TTC21B: variants seen among roughly 807,000 people sequenced by gnomAD.
TTC21B encodes the protein tetratricopeptide repeat domain 21B.
TTC21B carries 127 observed loss-of-function variants against 175.1 expected under a neutral mutation model. That is an observed-to-expected ratio of 0.73 (90% CI 0.63 to 0.84). The LOEUF (loss-of-function observed/expected upper bound fraction) is 0.84, where lower values mean the gene tolerates loss of function less well. Among genes scored for constraint, TTC21B ranks in the 40% least tolerant of loss-of-function variants. The pLI, the probability that TTC21B is intolerant of heterozygous loss-of-function variation, is 0.00. For missense variants in TTC21B, 1,561 were observed against 1,558.3 expected (o/e 1.00, Z -0.03); for synonymous variants, 524 against 524.5 (o/e 1.00, Z 0.01).
chr2:165,951,679 C>T (rs768293435), intron 1 of TTC21B, among the ~76,000 whole-genome samples: 16 of 152,206 alleles, frequency 1.1e-4, no homozygotes, highest in Admixed American at 3.3e-4. Flanking sequence ...CATTTACTGA[C>T]TGCCTACTAG....
At position 165,929,234 on chromosome 2, in the gene TTC21B, T is replaced by C. The variant is rs765677724; in HGVS notation, c.1287A>G (p.Gln429=). ...GTATGCCAAGAGGCAAACCTTCTAA[T>C]TGTGAAAAGTGAGTGTCCAGGACAT... is the stretch of plus-strand genomic sequence containing the variant. ...LNDVLDTHFS[Q]LEGLPLGIQY... The change falls in exon 11 of 29, where the codon CAA becomes CAG. Residue 429 remains glutamine, a synonymous_variant. Coordinates refer to ENST00000243344, the MANE Select transcript of TTC21B (RefSeq NM_024753.5). The C allele has an allele frequency of 3.7e-6, 6 of 1,613,070 alleles. No homozygotes were observed. Among genetic ancestry groups the C allele is most frequent in the South Asian group, 1.1e-5 (1 of 91,048 alleles).
At chr2:165,890,394 T>G in intron 24 of TTC21B, 85 bp downstream of exon 24, 1 of 1,313,070 alleles carries the variant, frequency 7.6e-7, no homozygotes, top group South Asian at 1.3e-5. Flanking sequence ...ATTGCTATCC[T>G]AAATTTAGTT....
chr2:165,922,931 T>C (rs1168049627), intron 12 of TTC21B, among the ~76,000 whole-genome samples: 1 of 152,208 alleles, frequency 6.6e-6, no homozygotes. Context: ...ATAACGTGTT[T>C]TATAGCAACC....
At chr2:165,889,083 G>A (rs1685102480) in intron 24 of TTC21B, among the ~76,000 whole-genome samples, 1 of 152,076 alleles carries the variant, frequency 6.6e-6, no homozygotes, top group African/African-American at 2.4e-5. Context: ...AGTGCAATTT[G>A]AATATTTAAT....
chr2:165,896,586 G>A (rs1685373327), intron 22 of TTC21B, among the ~76,000 whole-genome samples: 1 of 152,162 alleles, frequency 6.6e-6, no homozygotes, highest in African/African-American at 2.4e-5. Flanking sequence ...GCTACTTGAT[G>A]TAGGCCAGTG....
At chr2:165,930,054 T>C in intron 9 of TTC21B, 118 bp downstream of exon 9, 1 of 933,288 alleles carries the variant, frequency 1.1e-6, no homozygotes, top group Admixed American at 2.1e-5. Flanking sequence ...GTGTGGGCAG[T>C]AGAGAACAAT....
At chr2:165,950,096 G>T (rs10930191) in intron 1 of TTC21B, among the ~76,000 whole-genome samples, 41,630 of 142,184 alleles carry the variant, frequency 0.29, 7,076 homozygotes, top group Non-Finnish European at 0.39. Flanking sequence ...AAGACAAGAG[G>T]CTTCCATTGC....
In TTC21B at chr2:165,911,428, T is replaced by C. The variant is rs760057103; in HGVS notation, c.2360A>G (p.Gln787Arg). 1.1e-5 allele frequency: 17 copies of C among 1,613,730 alleles called. No individual in the cohort carries two copies. The highest frequency in any genetic ancestry group is 1.7e-5 in the Admixed American group (1 of 59,984). Residue 787 changes from glutamine (Q) to arginine (R), a missense_variant, in exon 18 of 29, where the codon CAA becomes CGA. Transcript: ENST00000243344. ...TYYEAALKTG[Q>R]KNYLCYDLAE... ...CAGGTCATAGCAAAGATAATTCTTT[T>C]GTCCAGTTTTCAGAGCAGCTTCATA... is the stretch of plus-strand genomic sequence containing the variant.
intron 18 of TTC21B, 26 bp downstream of exon 18, chr2:165,911,301 T>C: frequency 6.2e-7 from 1 of 1,613,542 alleles, no homozygotes. Flanking sequence ...TATCAGACTT[T>C]TTTCAAACCA....
chr2:165,896,211 T>C (rs1044040513), intron 22 of TTC21B, among the ~76,000 whole-genome samples: 1 of 152,130 alleles, frequency 6.6e-6, no homozygotes, highest in Admixed American at 6.5e-5. Context: ...TCCTCTGCCA[T>C]TTCAAACTCT....
At chr2:165,907,062 A>G (rs919648319) in intron 19 of TTC21B, among the ~76,000 whole-genome samples, 2 of 152,080 alleles carry the variant, frequency 1.3e-5, no homozygotes, top group South Asian at 2.1e-4. Flanking sequence ...AATTCCAGCA[A>G]TATCTTTTTA....
chr2:165,904,447 ATGCACACACACG>A (rs1685662747), intron 19 of TTC21B, among the ~76,000 whole-genome samples: 1 of 152,222 alleles, frequency 6.6e-6, no homozygotes, highest in African/African-American at 2.4e-5. Flanking sequence ...ACGCACATGC[ATGCACACACACG>A]TGCACACACA....
rs376746146 is a variant in TTC21B at position 165,880,782 on chromosome 2, A to C, written c.3702T>G (p.Tyr1234Ter). 1 of 1,612,774 alleles carries C rather than the reference A, an allele frequency of 6.2e-7. No individual in the cohort carries two copies. The highest frequency in any genetic ancestry group is 8.5e-7 in the Non-Finnish European group (1 of 1,179,584). ...TTTCCATAATGTATCCCATATATTC[A>C]TAAGCTTTGCAGCAAGACTGAAGAA... The part of the protein sequence containing the change: ...LRHNRSCCKA[Y>*]EYMGYIMEKE... The change falls in exon 27 of 29, where the codon TAT (tyrosine) becomes TAG (stop). Residue 1234 changes from tyrosine to a stop codon, truncating the protein, a stop_gained. Coordinates refer to ENST00000243344, the MANE Select transcript of TTC21B (RefSeq NM_024753.5). LOFTEE classifies it high-confidence loss of function.
In TTC21B at chr2:165,919,381, G is replaced by A; in HGVS notation, c.1569C>T (p.Pro523=). 1 of 1,614,044 alleles carries A rather than the reference G, an allele frequency of 6.2e-7. No individual in the cohort carries two copies. The highest frequency in any genetic ancestry group is 8.5e-7 in the Non-Finnish European group (1 of 1,179,994). ...GCAGCAGATGAGCATCAGCATAAGA[G>A]GGATTGTGTTCTAAGCAGTGCTGAA... ...NNLQHCLEHN[P]SYADAHLLLA... is the part of the protein sequence containing the mutation. Residue 523 remains proline (P), a synonymous_variant, in exon 13 of 29, where the codon CCC becomes CCT. Coordinates refer to ENST00000243344, the MANE Select transcript of TTC21B (RefSeq NM_024753.5).
intron 25 of TTC21B, among the ~76,000 whole-genome samples, chr2:165,884,458 G>A (rs1014203090): frequency 6.6e-6 from 1 of 152,138 alleles, no homozygotes; most frequent in Middle Eastern, 3.2e-3. Context: ...TAATTTACCT[G>A]CAGATGATGG....
At position 165,876,235 on chromosome 2, in the gene TTC21B, G is replaced by C; in HGVS notation, c.3806-3C>G. ...GTAATTAAATGCCAGTTTGTATCCT[G>C]TTAAGACAAAAACCATAAAACAGAA... is the stretch of plus-strand genomic sequence containing the variant. On this transcript the variant is annotated splice_region_variant and splice_polypyrimidine_tract_variant and intron_variant, in intron 27 of 28. Transcript: ENST00000243344. 6.4e-7 allele frequency: 1 copy of C among 1,572,702 alleles called. No homozygotes were observed. Among genetic ancestry groups the C allele is most frequent in the Non-Finnish European group, 8.7e-7 (1 of 1,143,364 alleles).
rs1686921645 is a variant in TTC21B, at chr2:165,931,860, A to G, written c.796-4T>C. The G allele has an allele frequency of 6.3e-7, 1 of 1,594,270 alleles. No individual in the cohort carries two copies. On this transcript the variant is annotated splice_polypyrimidine_tract_variant and splice_region_variant and intron_variant, in intron 7 of 28. Transcript: ENST00000243344. The stretch of plus-strand genomic sequence containing the variant: ...AGTTTTCCAGCTTGGTGGAAGCCTA[A>G]AACAAAAGGAACTGGTATTAACTTA...
chr2:165,905,337 A>G (rs1477346720), intron 19 of TTC21B, among the ~76,000 whole-genome samples: 1 of 152,118 alleles, frequency 6.6e-6, no homozygotes, highest in Non-Finnish European at 1.5e-5. Flanking sequence ...TGCAAATATA[A>G]TTCATAACTA....
chr2:165,906,360 G>C (rs147524340), intron 19 of TTC21B, among the ~76,000 whole-genome samples: 2,249 of 148,628 alleles, frequency 0.015, 69 homozygotes, highest in African/African-American at 0.053. Context: ...AAAGGCAAAA[G>C]TTGACCCTTT....
Sources: allele counts gnomAD v4.1 joint callset (sites outside exome capture counted in the v4.1 genomes callset), GRCh38; gene constraint gnomAD v4.1.1; transcripts MANE v1.5; gene names NCBI Gene and HGNC (gene_info 2026-07-23, HGNC 2026-07-21).